The following CRTC1 variants were observed in gnomAD, a reference collection of about 807,000 sequenced individuals.
CRTC1 encodes CREB regulated transcription coactivator 1.
A neutral mutation model predicts 66.1 loss-of-function variants in CRTC1; 18 were observed. The observed-to-expected ratio is 0.27, with a 90% CI of 0.19 to 0.40. The LOEUF is 0.40. Among genes scored for constraint, CRTC1 ranks in the 10% least tolerant of loss-of-function variants. CRTC1 has a pLI of 1.00. For missense variants in CRTC1, 669 were observed against 887.9 expected (o/e 0.75, Z 3.13); for synonymous variants, 416 against 398.8 (o/e 1.04, Z -0.51).
At chr19:18,757,708 TA>T (rs200843762) in intron 6 of CRTC1, among the ~76,000 whole-genome samples, 5 of 150,986 alleles carry the variant, frequency 3.3e-5, no homozygotes, top group African/African-American at 9.7e-5. Flanking sequence ...CCTCATCTCT[TA>T]AAAAAAAATT....
chr19:18,773,894 G>A (rs1051321870), intron 11 of CRTC1, among the ~76,000 whole-genome samples: 2 of 152,178 alleles, frequency 1.3e-5, no homozygotes, highest in Non-Finnish European at 2.9e-5. Context: ...AGACTCAGGC[G>A]TTGGGATCTT....
Position 18,768,528 on chromosome 19 carries a change from A to T in CRTC1, c.1055A>T (p.Tyr352Phe). 6.2e-7 allele frequency: 1 copy of T among 1,609,506 alleles called. No homozygotes were observed. The highest frequency in any genetic ancestry group is 8.5e-7 in the Non-Finnish European group (1 of 1,179,126). ...DALSLEQQLPYAFFTQAGSQQ... is the reference protein window; with the variant it reads ...DALSLEQQLPFAFFTQAGSQQ... ...CTGTCTCTGGAGCAGCAGCTGCCCT[A>T]CGCCTTCTTCACCCAGGCGGGCTCC... Residue 352 changes from tyrosine to phenylalanine, a missense_variant, in exon 10 of 14, where the codon TAC becomes TTC. Physicochemically the swap from Tyr to Phe is conservative, Grantham distance 22. Around this residue, in one of 8 missense-constraint regions of CRTC1, gnomAD observed 241 missense variants for 242.2 expected, o/e 0.99. Transcript: ENST00000321949. This position sits in a 1 kb window ranked among gnomAD's most constrained non-coding sequence, Gnocchi z 5.6.
chr19:18,695,666 C>T (rs1025221656), intron 1 of CRTC1, among the ~76,000 whole-genome samples: 2 of 151,998 alleles, frequency 1.3e-5, no homozygotes, highest in Non-Finnish European at 2.9e-5. Context: ...GAGATCGAGA[C>T]CATCCTGGCT....
intron 4 of CRTC1, among the ~76,000 whole-genome samples, chr19:18,749,370 G>T (rs969522432): frequency 6.6e-6 from 1 of 152,174 alleles, no homozygotes; most frequent in African/African-American, 2.4e-5. Flanking sequence ...CAGACTGGAG[G>T]CTCATACCCC....
At chr19:18,765,944 G>A (rs1486547186) in intron 9 of CRTC1, among the ~76,000 whole-genome samples, 1 of 151,690 alleles carries the variant, frequency 6.6e-6, no homozygotes, top group Non-Finnish European at 1.5e-5. Context: ...CTGGGAGACA[G>A]AGTGAGACTC....
intron 8 of CRTC1, among the ~76,000 whole-genome samples, chr19:18,761,833 G>T (rs1372721499): frequency 1.3e-5 from 2 of 152,128 alleles, no homozygotes; most frequent in Non-Finnish European, 2.9e-5. Context: ...AGGAGGGCAT[G>T]GGGACTAGAA....
At position 18,774,933 on chromosome 19, in the gene CRTC1, G is replaced by A. The variant is rs755043399; in HGVS notation, c.1459G>A (p.Ala487Thr). 2.3e-5 allele frequency: 37 copies of A among 1,610,334 alleles called. No individual in the cohort carries two copies. The highest frequency in any genetic ancestry group is 1.0e-4 in the Admixed American group (6 of 60,006). ...CACCCTGGGCAGCGTGTTTGGGGAC[G>A]CGTACTATGAGCAGCAGATGGCGGC... is the stretch of plus-strand genomic sequence containing the variant. The part of the protein sequence containing the change: ...TSTLGSVFGD[A>T]YYEQQMAARQ... The change falls in exon 12 of 14, where the codon GCG (alanine) becomes ACG (threonine). Residue 487 changes from alanine (A) to threonine (T), a missense_variant. Coordinates refer to ENST00000321949, the MANE Select transcript of CRTC1 (RefSeq NM_015321.3).
chr19:18,757,732 T>G (rs2054520756), intron 6 of CRTC1, among the ~76,000 whole-genome samples: 1 of 151,896 alleles, frequency 6.6e-6, no homozygotes, highest in African/African-American at 2.4e-5. Context: ...AAAATAAAAA[T>G]TAGGCTGGGT....
chr19:18,696,817 C>T (rs2053000206), intron 1 of CRTC1, among the ~76,000 whole-genome samples: 1 of 147,374 alleles, frequency 6.8e-6, no homozygotes, highest in Non-Finnish European at 1.5e-5. Context: ...GGAGGTGTGC[C>T]ACTCACGGAG....
chr19:18,754,194 G>A (rs1568526231), intron 6 of CRTC1, among the ~76,000 whole-genome samples: 1 of 152,094 alleles, frequency 6.6e-6, no homozygotes, highest in East Asian at 1.9e-4. Context: ...ATGGGAAAGT[G>A]AGGCACCAGC....
chr19:18,687,572 G>A (rs1021652314), intron 1 of CRTC1, among the ~76,000 whole-genome samples: 10 of 152,158 alleles, frequency 6.6e-5, no homozygotes, highest in African/African-American at 2.4e-4. Context: ...CTGCAGCCAT[G>A]GCGCGCTGCC....
At chr19:18,762,755 TCAA>T (rs1409136912) in intron 8 of CRTC1, among the ~76,000 whole-genome samples, 1 of 152,216 alleles carries the variant, frequency 6.6e-6, no homozygotes, top group East Asian at 1.9e-4. Context: ...CAAAAGGAAT[TCAA>T]CAGCAAGGCT....
chr19:18,775,765 A>C lies in CRTC1; in HGVS notation c.1637A>C (p.Asp546Ala). ...GLTGSHGSLP[D>A]SQQLGYASHS... is the part of the protein sequence containing the mutation. ...ACGGGCAGCCACGGGAGCCTGCCGGACTCGCAGCAACTGGGATACGCCAGC... is the reference window on the plus strand; with the variant it reads ...ACGGGCAGCCACGGGAGCCTGCCGGCCTCGCAGCAACTGGGATACGCCAGC... Residue 546 changes from aspartate (D) to alanine (A), a missense_variant, in exon 13 of 14, where the codon GAC becomes GCC. By Grantham distance (126) the Asp-to-Ala change is moderately radical. Transcript: ENST00000321949. 4 of 1,611,354 alleles carry C rather than the reference A, an allele frequency of 2.5e-6. No homozygotes were observed. The highest frequency in any genetic ancestry group is 3.4e-6 in the Non-Finnish European group (4 of 1,179,270).
chr19:18,691,025 C>CAA (rs751088340), intron 1 of CRTC1, among the ~76,000 whole-genome samples: 3 of 58,082 alleles, frequency 5.2e-5, no homozygotes, highest in Admixed American at 1.9e-4. Context: ...GACTCCGTCT[C>CAA]AAAAAAAAAA....
intron 4 of CRTC1, among the ~76,000 whole-genome samples, chr19:18,749,249 C>T (rs899612882): frequency 3.3e-5 from 5 of 152,160 alleles, no homozygotes; most frequent in Non-Finnish European, 1.5e-5. Context: ...TCATTCCTTC[C>T]GGGGCCTTCT....
intron 6 of CRTC1, among the ~76,000 whole-genome samples, chr19:18,757,531 G>A (rs933177453): frequency 4.6e-5 from 7 of 152,158 alleles, no homozygotes; most frequent in African/African-American, 1.4e-4. Flanking sequence ...GGAGGTACCC[G>A]GCAGGTCTTT....
rs553038021 is a variant in CRTC1 at position 18,720,995 on chromosome 19, G to A, written c.127-21915G>A. 2.0e-5 allele frequency among the ~76,000 whole-genome samples: 3 copies of A among 152,196 alleles called. No individual in the cohort carries two copies. The East Asian group carries it at 5.8e-4, about 30-fold the overall frequency. On this transcript the variant is annotated intron_variant, in intron 1 of 13. Coordinates refer to ENST00000321949, the MANE Select transcript of CRTC1 (RefSeq NM_015321.3). ...TAGAAATGTATTCAGTGCAGGTGTC[G>A]GCAGGGCTGGTGCCTGCAGGAGGCT...
chr19:18,703,559 T>G (rs895402644), intron 1 of CRTC1, among the ~76,000 whole-genome samples: 3 of 152,062 alleles, frequency 2.0e-5, no homozygotes, highest in African/African-American at 7.2e-5. Context: ...ACCTCCCAGG[T>G]TCAAGCGATT....
chr19:18,691,607 G>A (rs2052839548), intron 1 of CRTC1, among the ~76,000 whole-genome samples: 1 of 151,806 alleles, frequency 6.6e-6, no homozygotes. Context: ...AGAGATTGGA[G>A]CGATGTGGTC....
Sources: allele counts gnomAD v4.1 joint callset (sites outside exome capture counted in the v4.1 genomes callset), GRCh38; gene constraint gnomAD v4.1.1; regional missense constraint gnomAD v4.1.1; non-coding constraint Gnocchi (gnomAD v3.1); transcripts MANE v1.5; gene names NCBI Gene and HGNC (gene_info 2026-07-23, HGNC 2026-07-21).